Variants in MAGEC3 observed in about 807,000 individuals in gnomAD.
MAGEC3 encodes melanoma-associated antigen C3.
In MAGEC3, 34 loss-of-function variants were observed where a neutral mutation model predicts 35.3. The ratio of observed to expected loss-of-function variants is 0.96; its 90% confidence interval spans 0.73 to 1.28. The LOEUF (loss-of-function observed/expected upper bound fraction) is 1.28. Among genes scored for constraint, MAGEC3 ranks in the 50% most tolerant of loss-of-function variants. The pLI is 0.00. For synonymous variants in MAGEC3, 202 were observed against 185.6 expected, an observed-to-expected ratio of 1.09 and a Z score of -0.72; for missense variants, 561 against 483.6, an observed-to-expected ratio of 1.16 and a Z score of -1.50.
intron 2 of MAGEC3, among the ~76,000 whole-genome samples, chrX:141,871,880 G>A (rs1211126466): frequency 1.8e-5 from 2 of 109,476 alleles, no homozygotes; most frequent in African/African-American, 6.7e-5. Flanking sequence ...GGCAAGGTTA[G>A]GGGCTAAAGG....
At chrX:141,869,815 A>C (rs2017876149) in intron 2 of MAGEC3, among the ~76,000 whole-genome samples, 1 of 112,367 alleles carries the variant, frequency 8.9e-6, no homozygotes, top group Non-Finnish European at 1.9e-5. Context: ...TAACAACTTT[A>C]ATTATGATTA....
In MAGEC3 at chrX:141,874,145, A is replaced by C. The variant is rs779599946; in HGVS notation, c.259-5030A>C. On this transcript the variant is annotated intron_variant, in intron 2 of 7. Transcript: ENST00000298296. ...TCTTTTCAGCTAATTATACCAGAAC[A>C]AGTGGACATCCACATGGAGAAAATG... Among the ~76,000 whole-genome samples the C allele has an allele frequency of 2.7e-5, 3 of 112,404 alleles. No individual in the cohort carries two copies. In the South Asian group the frequency reaches 1.1e-3, roughly 41 times the overall value.
rs151165230 is a variant in MAGEC3, at chrX:141,897,038, G to A, written c.1280G>A (p.Arg427Gln). The A allele has an allele frequency of 4.2e-4, 509 of 1,209,294 alleles. 1 individual carries two copies. The highest frequency in any genetic ancestry group is 5.4e-4 in the Non-Finnish European group (482 of 895,041). ...DSCSSPLLWT[R>Q]LDEESSSEEE... is the part of the protein sequence containing the mutation. Reference sequence around the variant, plus strand: ...TGCTCATCCCCTCTTTTGTGGACCCGATTGGATGAGGAGTCCAGCAGTGAA... The same window carrying A: ...TGCTCATCCCCTCTTTTGTGGACCCAATTGGATGAGGAGTCCAGCAGTGAA... Residue 427 changes from arginine (R) to glutamine (Q), a missense_variant, in exon 7 of 8, where the codon CGA becomes CAA. Physicochemically the swap from Arg to Gln is conservative, Grantham distance 43. Coordinates refer to ENST00000298296, the MANE Select transcript of MAGEC3 (RefSeq NM_138702.1).
intron 2 of MAGEC3, among the ~76,000 whole-genome samples, chrX:141,872,951 G>T (rs951755482): frequency 6.2e-5 from 7 of 112,117 alleles, no homozygotes; most frequent in Admixed American, 3.8e-4. Flanking sequence ...AACTGCCATT[G>T]CCCACTGCTT....
intron 1 of MAGEC3, chrX:141,840,001 C>CT (rs906222472): frequency 2.7e-6 from 2 of 750,812 alleles, no homozygotes; most frequent in African/African-American, 2.3e-5. Context: ...GCTCAGAACT[C>CT]TAAAAATGAT....
intron 1 of MAGEC3, among the ~76,000 whole-genome samples, chrX:141,863,475 TTAA>T (rs908962306): frequency 1.1e-4 from 12 of 111,745 alleles, no homozygotes; most frequent in African/African-American, 3.9e-4. Context: ...TAAATTTTAG[TTAA>T]TAATAATATA....
chrX:141,880,837 A>C (rs1346144303), intron 3 of MAGEC3: 2 of 1,133,046 alleles, frequency 1.8e-6, no homozygotes, highest in African/African-American at 3.6e-5. Flanking sequence ...GAAGAGCTGT[A>C]AGCCGGCCTT....
chrX:141,867,783 C>A (rs757496841), intron 2 of MAGEC3, among the ~76,000 whole-genome samples: 1 of 111,887 alleles, frequency 8.9e-6, no homozygotes, highest in Non-Finnish European at 1.9e-5. Flanking sequence ...GCAAGGGTTG[C>A]ATAGTAAATA....
At chrX:141,895,164 G>A (rs1412766916) in intron 4 of MAGEC3, 105 bp from the exon 5 acceptor site, 8 of 930,215 alleles carry the variant, frequency 8.6e-6, no homozygotes, top group Non-Finnish European at 1.2e-5. Context: ...GCAGGAAGAA[G>A]TGGAGTGCGG....
intron 1 of MAGEC3, among the ~76,000 whole-genome samples, chrX:141,846,546 A>C (rs1043429584): frequency 6.3e-5 from 7 of 110,911 alleles, no homozygotes; most frequent in Admixed American, 9.6e-5. Flanking sequence ...GAAGGCTTGT[A>C]ATTCTCTCTT....
intron 2 of MAGEC3, among the ~76,000 whole-genome samples, chrX:141,868,117 C>T (rs1461591208): frequency 1.9e-5 from 2 of 108,101 alleles, no homozygotes; most frequent in African/African-American, 6.8e-5. Context: ...AGCGAGACTC[C>T]GCCTTCAAAA....
intron 3 of MAGEC3, chrX:141,880,733 G>T: frequency 1.3e-6 from 1 of 750,254 alleles, no homozygotes; most frequent in Non-Finnish European, 2.0e-6. Context: ...TGTGCCCCGA[G>T]GTGCTTTCTC....
chrX:141,871,984 G>A (rs755688212), intron 2 of MAGEC3, among the ~76,000 whole-genome samples: 40 of 110,145 alleles, frequency 3.6e-4, no homozygotes, highest in African/African-American at 1.3e-3. Context: ...CATCTGCAGG[G>A]TTGAAAGGAA....
chrX:141,895,132 G>C lies in MAGEC3; in HGVS notation c.910-137G>C, dbSNP rs1036541262. ...AGGGGGTAGGGAGGTGGGCACAAAG[G>C]GGTCGGGGGGCGCTGAGGAGGGCAG... On this transcript the variant is annotated intron_variant, in intron 4 of 7. Transcript: ENST00000298296. 2.1e-5 allele frequency: 15 copies of C among 702,951 alleles called. No individual in the cohort carries two copies. The East Asian group carries it at 4.6e-4, about 21-fold the overall frequency. 57.9% of individuals were successfully genotyped at this position (702,951 alleles called of 1,213,427 possible).
intron 1 of MAGEC3, among the ~76,000 whole-genome samples, chrX:141,846,710 A>T (rs974007512): frequency 9.9e-5 from 11 of 111,274 alleles, no homozygotes; most frequent in African/African-American, 3.6e-4. Flanking sequence ...TATCTTCATT[A>T]CCTAGAAGAG....
At chrX:141,860,341 T>C (rs2017807586) in intron 1 of MAGEC3, among the ~76,000 whole-genome samples, 1 of 112,089 alleles carries the variant, frequency 8.9e-6, no homozygotes, top group Admixed American at 9.4e-5. Context: ...AAAGACAGCT[T>C]ATGTTTATAA....
At chrX:141,843,130 G>A (rs887298570) in intron 1 of MAGEC3, among the ~76,000 whole-genome samples, 1 of 112,289 alleles carries the variant, frequency 8.9e-6, no homozygotes, top group African/African-American at 3.2e-5. Context: ...AATGAATGAT[G>A]GCCAGTCTCT....
At chrX:141,843,966 C>G (rs1445406477) in intron 1 of MAGEC3, among the ~76,000 whole-genome samples, 1 of 110,549 alleles carries the variant, frequency 9.0e-6, no homozygotes, top group East Asian at 2.8e-4. Context: ...AGTACTTATT[C>G]CCTTTCTCTT....
intron 1 of MAGEC3, among the ~76,000 whole-genome samples, chrX:141,849,104 G>T (rs1222597718): frequency 2.7e-5 from 3 of 110,706 alleles, no homozygotes; most frequent in Non-Finnish European, 5.7e-5. Flanking sequence ...TTACAGAAAA[G>T]AAAACTCAGA....
Sources: gnomAD v4.1 joint callset for allele counts (sites outside exome capture counted in the v4.1 genomes callset) on GRCh38, gnomAD v4.1.1 for gene constraint, MANE v1.5 for transcripts, NCBI Gene and HGNC (gene_info 2026-07-23, HGNC 2026-07-21) for gene names.